The following DZIP1 variants were observed in gnomAD, a reference collection of about 807,000 sequenced individuals.
The protein encoded by DZIP1 is cilium assembly protein DZIP1.
A neutral mutation model predicts 107.6 loss-of-function variants in DZIP1; 97 were observed. The ratio of observed to expected loss-of-function variants is 0.90; its 90% CI spans 0.77 to 1.07. DZIP1 has a LOEUF of 1.07. Ranked by LOEUF, DZIP1 falls within the 50% of genes least tolerant of loss-of-function variation. The probability of loss-of-function intolerance (pLI) is 0.00; values close to 1 mark genes in which losing one functional copy is unlikely to be tolerated. For synonymous variants in DZIP1, 390 were observed against 386.4 expected (o/e 1.01, Z -0.11); for missense variants, 1,035 against 1,063.6 (o/e 0.97, Z 0.37).
Position 95,582,034 on chromosome 13 carries a change from T to C in DZIP1, c.*200A>G, listed in dbSNP as rs1380013757. ...AGCGGAAGTCTTAAACACCTTTACATGCTTCGAAATACTGTTGATGATCTG... is the reference window on the plus strand; with the variant it reads ...AGCGGAAGTCTTAAACACCTTTACACGCTTCGAAATACTGTTGATGATCTG... On this transcript the variant is annotated 3_prime_UTR_variant, in exon 23 of 23. Transcript: ENST00000376829. The C allele has an allele frequency of 1.9e-6, 1 of 524,384 alleles. No individual in the cohort carries two copies. The highest frequency in any genetic ancestry group is 1.9e-5 in the African/African-American group (1 of 52,318). The allele number at this position is 524,384 out of a possible 1,614,324, so 32.5% of individuals were successfully genotyped here.
At chr13:95,621,143 CT>C (rs57573860) in intron 9 of DZIP1, among the ~76,000 whole-genome samples, 17,257 of 152,190 alleles carry the variant, frequency 0.11, 980 homozygotes, top group East Asian at 0.17. Flanking sequence ...ACCTGCCCCC[CT>C]GGCTGAATAC....
chr13:95,641,181 C>G lies in DZIP1; in HGVS notation c.597+114G>C. On this transcript the variant is annotated intron_variant, in intron 5 of 22. Coordinates refer to ENST00000376829, the MANE Select transcript of DZIP1 (RefSeq NM_198968.4). The surrounding 1 kb of genome is among the most constrained non-coding windows in gnomAD (Gnocchi z 4.3). ...TTTTTGCTTAAATATACTGTGTCTT[C>G]TGATATACAATATAAATCTTTAAGA... is the stretch of plus-strand genomic sequence containing the variant. 1 of 1,422,248 alleles carries G rather than the reference C, an allele frequency of 7.0e-7. No homozygotes were observed. The highest frequency in any genetic ancestry group is 9.4e-7 in the Non-Finnish European group (1 of 1,062,278). The allele number at this position is 1,422,248 out of a possible 1,614,324, so 88.1% of individuals were successfully genotyped here.
intron 5 of DZIP1, among the ~76,000 whole-genome samples, chr13:95,639,188 G>A (rs1878189630): frequency 6.6e-6 from 1 of 152,220 alleles, no homozygotes; most frequent in South Asian, 2.1e-4. Context: ...TGAGGCACAG[G>A]GAGGTTGAGC....
intron 10 of DZIP1, among the ~76,000 whole-genome samples, chr13:95,619,046 C>T (rs926012433): frequency 6.6e-5 from 10 of 151,186 alleles, no homozygotes; most frequent in African/African-American, 2.2e-4. Flanking sequence ...CAGTTCTTGC[C>T]TTTTTAAAAA....
chr13:95,601,932 C>G (rs939623231), intron 14 of DZIP1, among the ~76,000 whole-genome samples: 4 of 152,166 alleles, frequency 2.6e-5, no homozygotes, highest in Non-Finnish European at 5.9e-5. Context: ...CACCACAAAG[C>G]AGACTCCCGG....
intron 5 of DZIP1, among the ~76,000 whole-genome samples, chr13:95,640,249 C>T (rs1878341806): frequency 6.6e-6 from 1 of 152,086 alleles, no homozygotes; most frequent in African/African-American, 2.4e-5. Context: ...CCGCCCGCCT[C>T]GGCCTCCCAA....
Position 95,641,190 on chromosome 13 carries a change from A to G in DZIP1, c.597+105T>C. On this transcript the variant is annotated intron_variant, in intron 5 of 22. Transcript: ENST00000376829. This position sits in a 1 kb window ranked among gnomAD's most constrained non-coding sequence, Gnocchi z 4.3. ...AAATATACTGTGTCTTCTGATATAC[A>G]ATATAAATCTTTAAGAAGAAAGAGT... The G allele has an allele frequency of 6.9e-7, 1 of 1,456,566 alleles. No individual in the cohort carries two copies. The highest frequency in any genetic ancestry group is 2.3e-5 in the East Asian group (1 of 42,826). 90.2% of individuals were successfully genotyped at this position (1,456,566 alleles called of 1,614,324 possible). A position where few individuals can be genotyped will look rare whatever the true frequency, so the allele number is the denominator to read the frequency against.
intron 21 of DZIP1, among the ~76,000 whole-genome samples, chr13:95,585,116 G>A (rs1037213014): frequency 1.3e-5 from 2 of 152,140 alleles, no homozygotes; most frequent in East Asian, 1.9e-4. Context: ...TCTCTTTTTC[G>A]TTTCTGCCAT....
intron 12 of DZIP1, among the ~76,000 whole-genome samples, chr13:95,610,701 A>T (rs1263143538): frequency 1.3e-5 from 2 of 152,238 alleles, no homozygotes; most frequent in Admixed American, 1.3e-4. Context: ...CCTATGATAT[A>T]GTTACTATTT....
At position 95,634,946 on chromosome 13, in the gene DZIP1, T is replaced by C. The variant is rs527991743; in HGVS notation, c.598-1625A>G. 1.8e-3 allele frequency among the ~76,000 whole-genome samples: 278 copies of C among 152,290 alleles called. 1 individual carries two copies. Among genetic ancestry groups the C allele is most frequent in the African/African-American group, 6.4e-3 (266 of 41,558 alleles). On this transcript the variant is annotated intron_variant, in intron 5 of 22. Coordinates refer to ENST00000376829, the MANE Select transcript of DZIP1 (RefSeq NM_198968.4). ...TAAGACCCTATCCCTATCCTGTAAC[T>C]GATGGTTATGTCTCTTAACACTCTT...
chr13:95,622,897 C>T (rs1876074922), intron 8 of DZIP1, among the ~76,000 whole-genome samples: 3 of 151,992 alleles, frequency 2.0e-5, no homozygotes, highest in Admixed American at 1.3e-4. Flanking sequence ...CGTGCACCAC[C>T]ACACCCAGAT....
intron 22 of DZIP1, among the ~76,000 whole-genome samples, chr13:95,582,848 G>A (rs981279043): frequency 3.3e-5 from 5 of 152,150 alleles, no homozygotes; most frequent in Admixed American, 1.3e-4. Flanking sequence ...TTCCTCCAGG[G>A]GCACAGGTTT....
At chr13:95,634,203 C>T (rs1341074559) in intron 5 of DZIP1, among the ~76,000 whole-genome samples, 3 of 152,226 alleles carry the variant, frequency 2.0e-5, no homozygotes, top group Admixed American at 6.5e-5. Context: ...CCAGACCCTC[C>T]TCCCATGGCT....
At chr13:95,607,066 AAC>A (rs910308966) in intron 13 of DZIP1, among the ~76,000 whole-genome samples, 8 of 152,116 alleles carry the variant, frequency 5.3e-5, no homozygotes, top group African/African-American at 1.9e-4. Context: ...TTTTTTAAAA[AAC>A]ACAGTTTTAC....
At position 95,630,112 on chromosome 13, in the gene DZIP1, C is replaced by T. The variant is rs202239821; in HGVS notation, c.687G>A (p.Glu229=). 161 of 1,608,978 alleles carry T rather than the reference C, an allele frequency of 1.0e-4. No homozygotes were observed. The highest frequency in any genetic ancestry group is 9.6e-4 in the East Asian group (43 of 44,780). The change falls in exon 7 of 23, where the codon GAG becomes GAA. Residue 229 remains glutamate, a splice_region_variant and synonymous_variant. Coordinates refer to ENST00000376829, the MANE Select transcript of DZIP1 (RefSeq NM_198968.4). ...RRHTEENSHF[E]YQKNAQIEKL... The stretch of plus-strand genomic sequence containing the variant: ...TCTCAATCTGTGCATTTTTCTGATA[C>T]TCTGTTGCAACAGAAAATCGTGTTA...
intron 16 of DZIP1, among the ~76,000 whole-genome samples, chr13:95,591,486 T>C (rs1220631246): frequency 6.6e-6 from 1 of 152,010 alleles, no homozygotes; most frequent in African/African-American, 2.4e-5. Flanking sequence ...TTTGTTCCCA[T>C]CCCCCTTGCT....
chr13:95,609,517 A>G lies in DZIP1; in HGVS notation c.1364-4T>C. 2.5e-6 allele frequency: 4 copies of G among 1,581,340 alleles called. No individual in the cohort carries two copies. In the Admixed American group the frequency reaches 5.6e-5, roughly 22 times the overall value. ...GCCTGCCAGGCTAAAGGATTTCCTG[A>G]AATGACAGAAAAATAAATGAACAAA... On this transcript the variant is annotated splice_polypyrimidine_tract_variant and splice_region_variant and intron_variant, in intron 12 of 22. Coordinates refer to ENST00000376829, the MANE Select transcript of DZIP1 (RefSeq NM_198968.4).
chr13:95,599,347 G>A lies in DZIP1; in HGVS notation c.1537+18C>T. 1 of 1,610,634 alleles carries A rather than the reference G, an allele frequency of 6.2e-7. No individual in the cohort carries two copies. The highest frequency in any genetic ancestry group is 8.5e-7 in the Non-Finnish European group (1 of 1,176,962). ...AAATATAATCTGTGCAGGTAAACCT[G>A]ATCAAGCCCTTTGTTACCTTTTTCT... On this transcript the variant is annotated intron_variant, in intron 15 of 22. Transcript: ENST00000376829.
At chr13:95,614,678 A>G (rs1045792257) in intron 10 of DZIP1, among the ~76,000 whole-genome samples, 8 of 152,100 alleles carry the variant, frequency 5.3e-5, no homozygotes, top group Admixed American at 3.9e-4. Flanking sequence ...TTCAAGCACT[A>G]TGCATTTTTC....
Sources: allele counts gnomAD v4.1 joint callset (sites outside exome capture counted in the v4.1 genomes callset), GRCh38; gene constraint gnomAD v4.1.1; non-coding constraint Gnocchi (gnomAD v3.1); transcripts MANE v1.5; gene names NCBI Gene and HGNC (gene_info 2026-07-23, HGNC 2026-07-21).